The following RBBP8 variants were observed in gnomAD, a reference collection of about 807,000 sequenced individuals.
RBBP8 encodes the protein DNA endonuclease RBBP8.
In RBBP8, 88 loss-of-function variants were observed where a neutral mutation model predicts 108.3. The observed-to-expected ratio is 0.81, with a 90% CI of 0.68 to 0.97. RBBP8 has a LOEUF of 0.97. Ranked by LOEUF, RBBP8 falls within the 50% of genes least tolerant of loss-of-function variation. The pLI is 0.00. For synonymous variants in RBBP8, 332 were observed against 348.2 expected (o/e 0.95, Z 0.52); for missense variants, 1,023 against 1,049.0 (o/e 0.98, Z 0.34).
intron 15 of RBBP8, among the ~76,000 whole-genome samples, chr18:23,005,818 C>CT (rs1438849260): frequency 6.6e-6 from 1 of 152,110 alleles, no homozygotes; most frequent in Non-Finnish European, 1.5e-5. Context: ...GAGATAATGA[C>CT]TTTTAGCTGT....
intron 4 of RBBP8, among the ~76,000 whole-genome samples, chr18:22,967,107 C>T (rs946838033): frequency 6.6e-6 from 1 of 152,162 alleles, no homozygotes; most frequent in African/African-American, 2.4e-5. Flanking sequence ...CGGCTCACGC[C>T]TGTAATCCCA....
intron 6 of RBBP8, among the ~76,000 whole-genome samples, chr18:22,977,514 T>C (rs964836704): frequency 2.6e-5 from 4 of 152,088 alleles, no homozygotes; most frequent in Non-Finnish European, 5.9e-5. Flanking sequence ...ATTCTTTTCG[T>C]TTTAGAAAAT....
chr18:22,939,211 A>G (rs1910842239), intron 2 of RBBP8, among the ~76,000 whole-genome samples: 2 of 152,122 alleles, frequency 1.3e-5, no homozygotes, highest in Non-Finnish European at 2.9e-5. Flanking sequence ...CTGTATTAGA[A>G]CTTTCTTATG....
chr18:23,014,268 G>T (rs993205231), intron 16 of RBBP8, among the ~76,000 whole-genome samples: 2 of 152,028 alleles, frequency 1.3e-5, no homozygotes, highest in Non-Finnish European at 2.9e-5. Flanking sequence ...TCTGCAGACT[G>T]GATCAAGTAG....
intron 3 of RBBP8, among the ~76,000 whole-genome samples, chr18:22,919,405 T>C (rs1431422902): frequency 6.6e-6 from 1 of 152,194 alleles, no homozygotes. Context: ...GTTTAATCGC[T>C]TTACAAAAAG....
chr18:23,001,893 G>C (rs575290183), intron 15 of RBBP8, among the ~76,000 whole-genome samples, 164 bp downstream of exon 15: 1 of 152,144 alleles, frequency 6.6e-6, no homozygotes, highest in South Asian at 2.1e-4. Context: ...ATTTTACACT[G>C]ATAAGAGTTC....
intron 5 of RBBP8, among the ~76,000 whole-genome samples, chr18:22,971,668 C>T (rs1282058022): frequency 2.1e-4 from 23 of 110,268 alleles, no homozygotes; most frequent in African/African-American, 6.9e-4. Context: ...TTTTTTGAGA[C>T]GGAGTCTCAC....
upstream of RBBP8, among the ~76,000 whole-genome samples, chr18:22,928,603 T>C (rs552150443): frequency 5.3e-5 from 8 of 151,998 alleles, no homozygotes; most frequent in Admixed American, 5.2e-4. Context: ...CAGCAGAGAC[T>C]GTGCAAGGAT....
intron 4 of RBBP8, among the ~76,000 whole-genome samples, chr18:22,963,030 T>C (rs1478581419): frequency 1.3e-5 from 2 of 152,220 alleles, no homozygotes; most frequent in African/African-American, 4.8e-5. Flanking sequence ...CTCATCTTTA[T>C]AATTTCAGCC....
chr18:22,946,335 T>G, intron 2 of RBBP8, 109 bp from the exon 3 acceptor site: 367 of 1,464,804 alleles, frequency 2.5e-4, no homozygotes, highest in East Asian at 3.4e-4. Flanking sequence ...TGTAAACTAA[T>G]GAGACCTGGT....
intron 16 of RBBP8, among the ~76,000 whole-genome samples, chr18:23,011,661 G>A (rs1016609923): frequency 4.6e-5 from 7 of 151,890 alleles, no homozygotes; most frequent in Admixed American, 6.6e-5. Flanking sequence ...GGATGGTCTC[G>A]ATCTCCTGAC....
At position 22,993,476 on chromosome 18, in the gene RBBP8, C is replaced by T; in HGVS notation, c.1649C>T (p.Pro550Leu). ...DGNCTLPKDS[P>L]GEPCSQECII... ...AACTGCACGTTGCCCAAAGATTCCCCAGGGGAGCCCTGTTCACAGGAATGC... is the reference window on the plus strand; with the variant it reads ...AACTGCACGTTGCCCAAAGATTCCCTAGGGGAGCCCTGTTCACAGGAATGC... Residue 550 changes from proline (P) to leucine (L), a missense_variant, in exon 11 of 19, where the codon CCA (proline) becomes CTA (leucine). Physicochemically the swap from Pro to Leu is moderately conservative, Grantham distance 98. Coordinates refer to ENST00000327155, the MANE Select transcript of RBBP8 (RefSeq NM_002894.3). 1 of 1,614,182 alleles carries T rather than the reference C, an allele frequency of 6.2e-7. No homozygotes were observed. Among genetic ancestry groups the T allele is most frequent in the Non-Finnish European group, 8.5e-7 (1 of 1,180,036 alleles).
chr18:22,973,792 G>C (rs1346331284), intron 5 of RBBP8, among the ~76,000 whole-genome samples: 1 of 151,922 alleles, frequency 6.6e-6, no homozygotes, highest in Non-Finnish European at 1.5e-5. Flanking sequence ...CCCTTTTTTT[G>C]ATGAATGCCT....
chr18:22,962,106 A>T (rs1309731142), intron 4 of RBBP8, among the ~76,000 whole-genome samples: 2 of 152,180 alleles, frequency 1.3e-5, no homozygotes, highest in Non-Finnish European at 2.9e-5. Context: ...TCTTTATACT[A>T]GGTTTATATC....
Position 22,939,521 on chromosome 18 carries a change from C to T in RBBP8, c.109+2561C>T, listed in dbSNP as rs11874372. Among the ~76,000 whole-genome samples the T allele has an allele frequency of 7.0e-3, 1,060 of 151,172 alleles. 17 individuals are homozygous for T. The highest frequency in any genetic ancestry group is 0.024 in the African/African-American group (978 of 41,178). On this transcript the variant is annotated intron_variant, in intron 2 of 18. Coordinates refer to ENST00000327155, the MANE Select transcript of RBBP8 (RefSeq NM_002894.3). Reference sequence around the variant, plus strand: ...ACCCTGGGCAACAAGAGCGAAACTCCGTCTCAAAAAAAAAAAGAACTTTCC... The same window carrying T: ...ACCCTGGGCAACAAGAGCGAAACTCTGTCTCAAAAAAAAAAAGAACTTTCC...
At chr18:23,014,642 T>A (rs1416965489) in intron 16 of RBBP8, among the ~76,000 whole-genome samples, 7 of 152,108 alleles carry the variant, frequency 4.6e-5, no homozygotes, top group Non-Finnish European at 1.0e-4. Context: ...TAAAACAAAC[T>A]AACTAAATAA....
chr18:22,989,442 C>CT (rs1567981021), intron 9 of RBBP8, 124 bp downstream of exon 9: 6 of 674,906 alleles, frequency 8.9e-6, no homozygotes, highest in African/African-American at 7.2e-5. Context: ...TGAAACAAAA[C>CT]TTACATTGTT....
At chr18:22,982,516 T>C in intron 7 of RBBP8, 123 bp downstream of exon 7, 2 of 1,545,016 alleles carry the variant, frequency 1.3e-6, no homozygotes, top group African/African-American at 2.7e-5. Flanking sequence ...ATGGTACAAC[T>C]ATGAGTTTAA....
chr18:22,994,052 G>A lies in RBBP8; in HGVS notation c.1939+205G>A, dbSNP rs147695190. On this transcript the variant is annotated intron_variant, in intron 12 of 18. Transcript: ENST00000327155. ...TTTTTTTTTTTTGAGACGGAGTCTC[G>A]CTCTGTCGCCCAGGCTGGAGTGCAG... Among the ~76,000 whole-genome samples the A allele has an allele frequency of 0.067, 7,152 of 107,072 alleles. 301 individuals are homozygous for A. The highest frequency in any genetic ancestry group is 0.13 in the African/African-American group (3,857 of 28,792). The allele number at this position is 107,072 out of a possible 152,430, so 70.2% of individuals were successfully genotyped here. A position where few individuals can be genotyped will look rare whatever the true frequency, so the allele number is the denominator to read the frequency against.
Sources: allele counts gnomAD v4.1 joint callset (sites outside exome capture counted in the v4.1 genomes callset), GRCh38; gene constraint gnomAD v4.1.1; transcripts MANE v1.5; gene names NCBI Gene and HGNC (gene_info 2026-07-23, HGNC 2026-07-21).